MYO6: variants seen among roughly 807,000 people sequenced by gnomAD.
MYO6 encodes myosin VI, also known as unconventional myosin-VI.
Under a neutral mutation model 178.7 loss-of-function variants are expected in MYO6, and 74 were observed. The ratio of observed to expected loss-of-function variants is 0.41; its 90% CI spans 0.34 to 0.50. The LOEUF (loss-of-function observed/expected upper bound fraction) is 0.50, where lower values mean the gene tolerates loss of function less well. MYO6 is among the 20% of genes least tolerant of loss of function. MYO6 has a pLI of 0.09. For synonymous variants in MYO6, 477 were observed against 504.6 expected (o/e 0.95, Z 0.73); for missense variants, 1,330 against 1,547.4 (o/e 0.86, Z 2.36).
At chr6:75,837,915 G>A (rs551518089) in intron 7 of MYO6, among the ~76,000 whole-genome samples, 4 of 152,078 alleles carry the variant, frequency 2.6e-5, no homozygotes, top group Non-Finnish European at 5.9e-5. Context: ...TTAGTATTCT[G>A]ATTTGCTCAC....
chr6:75,797,207 A>G (rs1284206202), intron 1 of MYO6, among the ~76,000 whole-genome samples: 2 of 152,280 alleles, frequency 1.3e-5, no homozygotes, highest in East Asian at 3.9e-4. Context: ...CTCCTGCGTC[A>G]GCCTCCTGAG....
At chr6:75,874,355 T>TTAAAGGGC (rs773428086) in intron 20 of MYO6, among the ~76,000 whole-genome samples, 4 of 152,174 alleles carry the variant, frequency 2.6e-5, no homozygotes, top group Non-Finnish European at 5.9e-5. Context: ...GTCATTATCT[T>TTAAAGGGC]TAAAGGGCTC....
intron 23 of MYO6, 44 bp downstream of exon 23, chr6:75,881,862 A>C: frequency 6.2e-7 from 1 of 1,609,110 alleles, no homozygotes; most frequent in Non-Finnish European, 8.5e-7. Context: ...CATTGTTTCA[A>C]GATGGTTTGT....
chr6:75,842,239 G>C (rs977156455), intron 9 of MYO6, among the ~76,000 whole-genome samples: 1 of 152,036 alleles, frequency 6.6e-6, no homozygotes, highest in Non-Finnish European at 1.5e-5. Context: ...CATTACAAGC[G>C]AGTAGAGTTT....
chr6:75,913,551 GA>G (rs1431375909), intron 33 of MYO6, among the ~76,000 whole-genome samples: 1 of 152,008 alleles, frequency 6.6e-6, no homozygotes, highest in Non-Finnish European at 1.5e-5. Flanking sequence ...GTTGGCAAAA[GA>G]AAAAATTTTT....
chr6:75,817,500 G>C lies in MYO6; in HGVS notation c.-47-1G>C. On this transcript the variant is annotated splice_acceptor_variant, in intron 1 of 34. Transcript: ENST00000369977. LOFTEE classifies it low-confidence loss of function (5UTR_SPLICE). ...TTGCTGTATTTGTTCCTTTGAAACAGGTGACAGTGGATAGTGGAAACAGGA... is the reference window on the plus strand; with the variant it reads ...TTGCTGTATTTGTTCCTTTGAAACACGTGACAGTGGATAGTGGAAACAGGA... 7.2e-7 allele frequency: 1 copy of C among 1,387,204 alleles called. No individual in the cohort carries two copies. The highest frequency in any genetic ancestry group is 1.0e-6 in the Non-Finnish European group (1 of 973,030). 85.9% of individuals were successfully genotyped at this position (1,387,204 alleles called of 1,614,324 possible).
At chr6:75,753,455 G>GTGTATATATATATATATATATATA (rs370647728) in intron 1 of MYO6, among the ~76,000 whole-genome samples, 1 of 140,056 alleles carries the variant, frequency 7.1e-6, no homozygotes, top group African/African-American at 2.7e-5. Flanking sequence ...GTGTGTGTGT[G>GTGTATATATATATATATATATATA]TATATATATA....
chr6:75,895,640 C>T (rs1036762209), intron 29 of MYO6, among the ~76,000 whole-genome samples: 6 of 151,824 alleles, frequency 4.0e-5, no homozygotes, highest in Non-Finnish European at 8.8e-5. Flanking sequence ...GCCTCAGCCT[C>T]CCAAGTAGCT....
intron 2 of MYO6, among the ~76,000 whole-genome samples, chr6:75,818,565 GTTTAC>G (rs1484076156): frequency 1.3e-5 from 2 of 152,074 alleles, no homozygotes; most frequent in African/African-American, 2.4e-5. Context: ...TGTCATTTCT[GTTTAC>G]TTTAGACTGA....
chr6:75,776,117 C>G (rs1391222005), intron 1 of MYO6, among the ~76,000 whole-genome samples: 2 of 152,076 alleles, frequency 1.3e-5, no homozygotes, highest in Admixed American at 6.6e-5. Flanking sequence ...TGTCTTTCTC[C>G]TTTTGTAAGT....
intron 1 of MYO6, among the ~76,000 whole-genome samples, chr6:75,784,737 A>C (rs1338646695): frequency 7.2e-6 from 1 of 139,108 alleles, no homozygotes; most frequent in Non-Finnish European, 1.5e-5. Flanking sequence ...AGGTCGCACC[A>C]CTGCACTCCA....
At chr6:75,866,480 AT>A in intron 16 of MYO6, 45 bp from the exon 17 acceptor site, 1 of 1,399,718 alleles carries the variant, frequency 7.1e-7, no homozygotes, top group Non-Finnish European at 1.0e-6. Context: ...TGATTATGTA[AT>A]ATATTTTTGA....
intron 1 of MYO6, among the ~76,000 whole-genome samples, chr6:75,765,030 A>G (rs1778287279): frequency 1.3e-5 from 2 of 151,852 alleles, no homozygotes; most frequent in African/African-American, 4.8e-5. Flanking sequence ...AGAGACTTGA[A>G]GGTCAGATAG....
At chr6:75,759,445 G>C (rs1777756980) in intron 1 of MYO6, among the ~76,000 whole-genome samples, 2 of 152,186 alleles carry the variant, frequency 1.3e-5, no homozygotes, top group Admixed American at 1.3e-4. Context: ...GCATTGTAGA[G>C]GAGGGCTAGA....
rs371585176 is a variant in MYO6 at position 75,880,030 on chromosome 6, T to C, written c.2209-13T>C. On this transcript the variant is annotated splice_polypyrimidine_tract_variant and intron_variant, in intron 21 of 34. Coordinates refer to ENST00000369977, the MANE Select transcript of MYO6 (RefSeq NM_004999.4). ...AATAATTGACATTTAACTTTTTAAC[T>C]TTTATTTTTCAGGCTTTGTTTAAAG... 6.8e-6 allele frequency: 11 copies of C among 1,613,288 alleles called. No individual in the cohort carries two copies. The African/African-American group carries it at 1.5e-4, about 22-fold the overall frequency.
intron 6 of MYO6, among the ~76,000 whole-genome samples, chr6:75,834,258 T>C (rs953295614): frequency 2.6e-5 from 4 of 152,056 alleles, no homozygotes; most frequent in African/African-American, 9.7e-5. Flanking sequence ...AGGGTCTTGC[T>C]CTGTTGCCCA....
At chr6:75,757,878 T>TA (rs1483947546) in intron 1 of MYO6, among the ~76,000 whole-genome samples, 3 of 151,910 alleles carry the variant, frequency 2.0e-5, no homozygotes, top group Non-Finnish European at 2.9e-5. Flanking sequence ...TTATTGTTGT[T>TA]ACTGTGTTTT....
intron 20 of MYO6, among the ~76,000 whole-genome samples, chr6:75,875,288 T>C (rs897144712): frequency 6.6e-6 from 1 of 152,146 alleles, no homozygotes; most frequent in Non-Finnish European, 1.5e-5. Flanking sequence ...TTTTTTTTGG[T>C]TGGGAGGGGC....
Position 75,892,436 on chromosome 6 carries a change from G to A in MYO6, c.2947-94G>A, listed in dbSNP as rs543257610. The A allele has an allele frequency of 3.3e-6, 5 of 1,503,096 alleles. No individual in the cohort carries two copies. The South Asian group carries it at 5.7e-5, about 17-fold the overall frequency. 93.1% of individuals were successfully genotyped at this position (1,503,096 alleles called of 1,614,324 possible). On this transcript the variant is annotated intron_variant, in intron 27 of 34. Transcript: ENST00000369977. ...TCTTTAGTAAAGAACTTGTATGGGG[G>A]CAGTTATGCTTTCCCTTTATTTTAA...
Sources: gnomAD v4.1 joint callset for allele counts (sites outside exome capture counted in the v4.1 genomes callset) on GRCh38, gnomAD v4.1.1 for gene constraint, MANE v1.5 for transcripts, NCBI Gene and HGNC (gene_info 2026-07-23, HGNC 2026-07-21) for gene names.